The following PTPN21 variants were observed in gnomAD, a reference collection of about 807,000 sequenced individuals.
PTPN21 encodes the protein protein tyrosine phosphatase non-receptor type 21.
In PTPN21, 77 loss-of-function variants were observed where a neutral mutation model predicts 131.8. The observed-to-expected ratio is 0.58, with a 90% confidence interval of 0.49 to 0.71. PTPN21 has a LOEUF of 0.71. PTPN21 is among the 30% of genes least tolerant of loss of function. PTPN21 has a pLI of 0.00. For missense variants in PTPN21, 1,552 were observed against 1,527.1 expected (o/e 1.02, Z -0.27); for synonymous variants, 715 against 621.3 (o/e 1.15, Z -2.24).
intron 8 of PTPN21, 144 bp downstream of exon 8, chr14:88,500,639 A>T: frequency 1.6e-6 from 1 of 624,742 alleles, no homozygotes; most frequent in Non-Finnish European, 2.9e-6. Flanking sequence ...TTCAGATGGT[A>T]TTTTTTTCCT....
chr14:88,485,017 T>C, intron 12 of PTPN21, 59 bp downstream of exon 12: 1 of 1,406,690 alleles, frequency 7.1e-7, no homozygotes, highest in Non-Finnish European at 1.0e-6. Flanking sequence ...TCTCCAAGCA[T>C]TCACAGATTT....
At chr14:88,549,850 C>T (rs955171707) in intron 2 of PTPN21, among the ~76,000 whole-genome samples, 1 of 151,560 alleles carries the variant, frequency 6.6e-6, no homozygotes, top group Non-Finnish European at 1.5e-5. Flanking sequence ...GCAGCCTCTG[C>T]CTCCCACATT....
chr14:88,514,517 T>A lies in PTPN21; in HGVS notation c.350+2575A>T, dbSNP rs371472744. ...TTCACTCTTGTTGCCCAGGCTGGAGTGCAGCGGTGCCATCTCGGCTCGCTG... is the reference window on the plus strand; with the variant it reads ...TTCACTCTTGTTGCCCAGGCTGGAGAGCAGCGGTGCCATCTCGGCTCGCTG... On this transcript the variant is annotated intron_variant, in intron 3 of 18. Transcript: ENST00000556564. Among the ~76,000 whole-genome samples, 17 of 151,346 alleles carry A rather than the reference T, an allele frequency of 1.1e-4. No homozygotes were observed. The South Asian group carries it at 3.6e-3, about 32-fold the overall frequency.
rs186189659 is a variant in PTPN21 at position 88,502,799 on chromosome 14, C to G, written c.588-1431G>C. On this transcript the variant is annotated intron_variant, in intron 6 of 18. Coordinates refer to ENST00000556564, the MANE Select transcript of PTPN21 (RefSeq NM_007039.4). ...AACCAACTTGTAGGAGGCCTTTAATCCCAGGGTAATGAACTTGGGCTAGTA... is the reference window on the plus strand; with the variant it reads ...AACCAACTTGTAGGAGGCCTTTAATGCCAGGGTAATGAACTTGGGCTAGTA... 1.1e-3 allele frequency among the ~76,000 whole-genome samples: 161 copies of G among 152,198 alleles called. 2 individuals are homozygous for G. In the East Asian group the frequency reaches 0.023, roughly 22 times the overall value.
In PTPN21 at chr14:88,467,464, TCTC is replaced by T. The variant is rs1348799193; in HGVS notation, c.*670_*672del. 3.3e-5 allele frequency: 5 copies of T among 151,402 alleles called. No homozygotes were observed. Among genetic ancestry groups the T allele is most frequent in the Admixed American group, 1.3e-4 (2 of 15,264 alleles). The allele number at this position is 151,402 out of a possible 1,614,324, so 9.4% of individuals were successfully genotyped here. A position where few individuals can be genotyped will look rare whatever the true frequency, so the allele number is the denominator to read the frequency against. On this transcript the variant is annotated 3_prime_UTR_variant, in exon 19 of 19. Coordinates refer to ENST00000556564, the MANE Select transcript of PTPN21 (RefSeq NM_007039.4). ...ATTTCAGTATCTAAATGAATTGAGC[TCTC>T]ATTTGAAAAACAGAAGGTACAACTA...
chr14:88,496,771 T>G (rs572704383), intron 9 of PTPN21, among the ~76,000 whole-genome samples: 31 of 152,330 alleles, frequency 2.0e-4, no homozygotes, highest in African/African-American at 7.2e-4. Flanking sequence ...ATACCAACTT[T>G]TATTCTTGCC....
rs575345839 is a variant in PTPN21, at chr14:88,554,886, G to T, written c.-438C>A. Among the ~76,000 whole-genome samples the T allele has an allele frequency of 1.5e-4, 23 of 151,756 alleles. No individual in the cohort carries two copies. In the South Asian group the frequency reaches 1.9e-3, roughly 12 times the overall value. On this transcript the variant is annotated 5_prime_UTR_variant, in exon 1 of 19. Coordinates refer to ENST00000556564, the MANE Select transcript of PTPN21 (RefSeq NM_007039.4). ...AGGGGCGAGGCCTGGAGGTGGGACC[G>T]GCCGGCGAGGAGCGCCGCACAAAGA...
intron 4 of PTPN21, among the ~76,000 whole-genome samples, chr14:88,506,828 G>A (rs900806635): frequency 2.0e-5 from 3 of 152,038 alleles, no homozygotes; most frequent in Non-Finnish European, 4.4e-5. Flanking sequence ...GATCACCTGA[G>A]GTCAGGAGTT....
At chr14:88,532,506 C>G (rs1169295461) in intron 2 of PTPN21, among the ~76,000 whole-genome samples, 3 of 152,066 alleles carry the variant, frequency 2.0e-5, no homozygotes, top group Non-Finnish European at 4.4e-5. Flanking sequence ...AATTGAAGAA[C>G]AGAGAATAGG....
At chr14:88,487,464 C>T (rs760697775) in intron 10 of PTPN21, among the ~76,000 whole-genome samples, 1 of 152,040 alleles carries the variant, frequency 6.6e-6, no homozygotes, top group Non-Finnish European at 1.5e-5. Context: ...ATTAATATTA[C>T]TCTTAGCACT....
chr14:88,548,177 A>C (rs2078809755), intron 2 of PTPN21, among the ~76,000 whole-genome samples: 1 of 152,122 alleles, frequency 6.6e-6, no homozygotes, highest in African/African-American at 2.4e-5. Context: ...TACCATCTGT[A>C]CCTGAACCAC....
Position 88,478,979 on chromosome 14 carries a change from G to A in PTPN21, c.2452C>T (p.Pro818Ser), listed in dbSNP as rs1566811419. ...RARRDSLKKR[P>S]VSDLLSGKKN... Reference sequence around the variant, plus strand: ...TTCCCAGAGAGAAGGTCCGACACCGGCCTTTTCTTCAGAGAGTCCCTCCGG... The same window carrying A: ...TTCCCAGAGAGAAGGTCCGACACCGACCTTTTCTTCAGAGAGTCCCTCCGG... Residue 818 changes from proline to serine, a missense_variant, in exon 13 of 19, where the codon CCG becomes TCG. Transcript: ENST00000556564. 2 of 1,573,818 alleles carry A rather than the reference G, an allele frequency of 1.3e-6. No homozygotes were observed. The highest frequency in any genetic ancestry group is 1.8e-5 in the Admixed American group (1 of 55,040).
chr14:88,494,338 A>T (rs1202373736), intron 10 of PTPN21, among the ~76,000 whole-genome samples: 1 of 152,180 alleles, frequency 6.6e-6, no homozygotes, highest in Admixed American at 6.5e-5. Context: ...GGTTGAAACC[A>T]GGCAAGGACC....
intron 2 of PTPN21, among the ~76,000 whole-genome samples, chr14:88,522,199 A>G (rs1420952519): frequency 1.3e-5 from 2 of 151,914 alleles, no homozygotes; most frequent in African/African-American, 4.8e-5. Context: ...GGCTGAGGCC[A>G]GTGGATCACT....
rs776348128 is a variant in PTPN21 at position 88,478,932 on chromosome 14, G to C, written c.2499C>G (p.Leu833=). 4.7e-6 allele frequency: 7 copies of C among 1,504,738 alleles called. No individual in the cohort carries two copies. Among genetic ancestry groups the C allele is most frequent in the Non-Finnish European group, 6.2e-6 (7 of 1,127,732 alleles). 93.2% of individuals were successfully genotyped at this position (1,504,738 alleles called of 1,614,324 possible). A position where few individuals can be genotyped will look rare whatever the true frequency, so the allele number is the denominator to read the frequency against. The part of the protein sequence containing the change: ...LSGKKNIVEG[L]PPLGGMKKTR... ...CCGCGTGGCTTACCCCTAGAGGCGG[G>C]AGCCCTTCCACGATGTTCTTCTTCC... Residue 833 remains leucine, a synonymous_variant, in exon 13 of 19, where the codon CTC becomes CTG. Coordinates refer to ENST00000556564, the MANE Select transcript of PTPN21 (RefSeq NM_007039.4).
chr14:88,495,143 C>G (rs1219806273), intron 10 of PTPN21, among the ~76,000 whole-genome samples: 2 of 150,438 alleles, frequency 1.3e-5, no homozygotes, highest in Non-Finnish European at 2.9e-5. Context: ...ACAGGAAAGT[C>G]AGAAGGCTAC....
chr14:88,541,362 C>T (rs17203789), intron 2 of PTPN21, among the ~76,000 whole-genome samples: 36,106 of 152,032 alleles, frequency 0.24, 4,457 homozygotes, highest in East Asian at 0.32. Flanking sequence ...GGAAAATATT[C>T]GCTAAATTGG....
intron 1 of PTPN21, among the ~76,000 whole-genome samples, chr14:88,553,576 CAT>C (rs2078891886): frequency 6.6e-6 from 1 of 151,882 alleles, no homozygotes; most frequent in Non-Finnish European, 1.5e-5. Flanking sequence ...CTAAAGTAAA[CAT>C]AATTTATAAA....
intron 2 of PTPN21, among the ~76,000 whole-genome samples, chr14:88,538,150 T>C (rs1386142051): frequency 6.6e-6 from 1 of 152,224 alleles, no homozygotes; most frequent in African/African-American, 2.4e-5. Flanking sequence ...ATATAAAGGT[T>C]GTTTAGTTTA....
Sources: gnomAD v4.1 joint callset for allele counts (sites outside exome capture counted in the v4.1 genomes callset) on GRCh38, gnomAD v4.1.1 for gene constraint, MANE v1.5 for transcripts, NCBI Gene and HGNC (gene_info 2026-07-23, HGNC 2026-07-21) for gene names.